The following LMX1B variants were observed in gnomAD, a reference collection of about 807,000 sequenced individuals.
LMX1B encodes the protein LIM homeobox transcription factor 1 beta, also known as LIM homeobox transcription factor 1-beta.
LMX1B carries 12 observed loss-of-function variants against 51.4 expected under a neutral mutation model. That is an observed-to-expected ratio of 0.23 (90% CI 0.15 to 0.38). The LOEUF (loss-of-function observed/expected upper bound fraction) is 0.38. LMX1B is among the 10% of genes least tolerant of loss of function. The probability of loss-of-function intolerance (pLI) is 1.00; values close to 1 mark genes in which losing one functional copy is unlikely to be tolerated. For synonymous variants in LMX1B, 237 were observed against 235.4 expected, an observed-to-expected ratio of 1.01 and a Z score of -0.06; for missense variants, 445 against 571.1, an observed-to-expected ratio of 0.78 and a Z score of 2.25.
intron 2 of LMX1B, among the ~76,000 whole-genome samples, chr9:126,676,562 G>C (rs1332915553): frequency 1.3e-5 from 2 of 152,232 alleles, no homozygotes; most frequent in African/African-American, 4.8e-5. Context: ...CTCACAGCGG[G>C]ACAGTATTCC....
intron 2 of LMX1B, among the ~76,000 whole-genome samples, chr9:126,629,259 C>T (rs34186918): frequency 0.19 from 28,970 of 152,120 alleles, 3,341 homozygotes; most frequent in Non-Finnish European, 0.25. Context: ...AGAAGGAAGC[C>T]CAGCTGCTTG....
chr9:126,622,274 G>A (rs1435763321), intron 2 of LMX1B, among the ~76,000 whole-genome samples: 3 of 152,190 alleles, frequency 2.0e-5, no homozygotes, highest in Non-Finnish European at 4.4e-5. Flanking sequence ...CCGGTTCCTG[G>A]AGCCTGGTTC....
At chr9:126,682,117 G>A (rs1283594214) in intron 2 of LMX1B, among the ~76,000 whole-genome samples, 1 of 68,968 alleles carries the variant, frequency 1.4e-5, no homozygotes, top group African/African-American at 6.5e-5. Flanking sequence ...TTATAGAGAT[G>A]GGCTTTGGCC....
At chr9:126,620,615 G>A (rs1462971889) in intron 2 of LMX1B, among the ~76,000 whole-genome samples, 1 of 152,116 alleles carries the variant, frequency 6.6e-6, no homozygotes, top group Non-Finnish European at 1.5e-5. Flanking sequence ...GCAGACGGGT[G>A]TGCTGTGCTC....
rs1009934430 is a variant in LMX1B, at chr9:126,618,900, G to A, written c.326+3331G>A. On this transcript the variant is annotated intron_variant, in intron 2 of 7. Transcript: ENST00000373474. This position sits in a 1 kb window ranked among gnomAD's most constrained non-coding sequence, Gnocchi z 4.5. ...CGACCCGAGACCCGCTGGGGTGCAAGCGGGCGCCTTTGTGCACGGCGAGAC... is the reference window on the plus strand; with the variant it reads ...CGACCCGAGACCCGCTGGGGTGCAAACGGGCGCCTTTGTGCACGGCGAGAC... 6.6e-6 allele frequency among the ~76,000 whole-genome samples: 1 copy of A among 151,946 alleles called. No homozygotes were observed.
intron 2 of LMX1B, among the ~76,000 whole-genome samples, chr9:126,655,532 T>G: frequency 6.6e-6 from 1 of 152,156 alleles, no homozygotes; most frequent in South Asian, 2.1e-4. Context: ...CTCCACGTGG[T>G]AAGCAGCAAG....
In LMX1B at chr9:126,658,381, C is replaced by T. The variant is rs1325238124; in HGVS notation, c.327-32455C>T. On this transcript the variant is annotated intron_variant, in intron 2 of 7. Transcript: ENST00000373474. This position sits in a 1 kb window ranked among gnomAD's most constrained non-coding sequence, Gnocchi z 4.0. The stretch of plus-strand genomic sequence containing the variant: ...AGCCTCAAATTCGGCTGGCCCTCCC[C>T]CTGGCTGCCGGGCCCGGGCACCCCT... Among the ~76,000 whole-genome samples, 2 of 150,106 alleles carry T rather than the reference C, an allele frequency of 1.3e-5. No individual in the cohort carries two copies. The highest frequency in any genetic ancestry group is 4.0e-4 in the East Asian group (2 of 4,954).
chr9:126,641,490 G>A lies in LMX1B; in HGVS notation c.326+25921G>A, dbSNP rs189391991. On this transcript the variant is annotated intron_variant, in intron 2 of 7. Coordinates refer to ENST00000373474, the MANE Select transcript of LMX1B (RefSeq NM_001174147.2). The surrounding 1 kb of genome is among the most constrained non-coding windows in gnomAD (Gnocchi z 4.1). ...AACCCATGTCTGCATATCTTCATGG[G>A]CCCTGCACTTAGCCATGGTGCCTGA... Among the ~76,000 whole-genome samples the A allele has an allele frequency of 2.5e-4, 38 of 152,268 alleles. No homozygotes were observed. The highest frequency in any genetic ancestry group is 9.1e-4 in the African/African-American group (38 of 41,554).
Position 126,618,836 on chromosome 9 carries a change from A to T in LMX1B, c.326+3267A>T, listed in dbSNP as rs905709509. ...GGAGAGTCCAAAAATCTGTCACAAA[A>T]TGGAGTCTAATCGCTTGTAAGACAG... On this transcript the variant is annotated intron_variant, in intron 2 of 7. Transcript: ENST00000373474. This position sits in a 1 kb window ranked among gnomAD's most constrained non-coding sequence, Gnocchi z 4.5. Among the ~76,000 whole-genome samples the T allele has an allele frequency of 3.3e-5, 5 of 151,954 alleles. No individual in the cohort carries two copies. Among genetic ancestry groups the T allele is most frequent in the Non-Finnish European group, 5.9e-5 (4 of 67,984 alleles).
At chr9:126,630,370 C>T (rs900589455) in intron 2 of LMX1B, among the ~76,000 whole-genome samples, 3 of 152,048 alleles carry the variant, frequency 2.0e-5, no homozygotes, top group South Asian at 2.1e-4. Context: ...CTGCACTGAG[C>T]CTTCTCAGTG....
At chr9:126,668,529 C>A (rs1337249480) in intron 2 of LMX1B, among the ~76,000 whole-genome samples, 1 of 151,970 alleles carries the variant, frequency 6.6e-6, no homozygotes, top group Non-Finnish European at 1.5e-5. Flanking sequence ...TCTCAGCTCA[C>A]TGAAACCTCT....
Position 126,655,988 on chromosome 9 carries a change from C to T in LMX1B, c.327-34848C>T, listed in dbSNP as rs531466302. On this transcript the variant is annotated intron_variant, in intron 2 of 7. Transcript: ENST00000373474. Reference sequence around the variant, plus strand: ...AAAAATAAAAGCAGAGGATCAAATCCCTAGAGTGTACGGGGGAAGTATGTC... The same window carrying T: ...AAAAATAAAAGCAGAGGATCAAATCTCTAGAGTGTACGGGGGAAGTATGTC... 2.6e-5 allele frequency among the ~76,000 whole-genome samples: 4 copies of T among 152,174 alleles called. No individual in the cohort carries two copies. The South Asian group carries it at 8.3e-4, about 32-fold the overall frequency.
At chr9:126,680,694 G>C (rs1447733445) in intron 2 of LMX1B, among the ~76,000 whole-genome samples, 1 of 152,096 alleles carries the variant, frequency 6.6e-6, no homozygotes, top group Non-Finnish European at 1.5e-5. Context: ...GGTAGGTGCC[G>C]GGTAAACGTT....
intron 2 of LMX1B, among the ~76,000 whole-genome samples, chr9:126,627,460 G>A (rs1486177997): frequency 6.6e-6 from 1 of 152,028 alleles, no homozygotes. Context: ...CCAAGGGAAA[G>A]CAGAGAAGGA....
intron 3 of LMX1B, 146 bp downstream of exon 3, chr9:126,691,214 C>T (rs1057078797): frequency 3.3e-5 from 21 of 636,316 alleles, no homozygotes; most frequent in East Asian, 1.4e-4. Flanking sequence ...GATGCACACG[C>T]GCACTGACGT....
chr9:126,692,620 G>A (rs551116555), intron 3 of LMX1B, among the ~76,000 whole-genome samples: 2 of 152,384 alleles, frequency 1.3e-5, no homozygotes, highest in South Asian at 4.1e-4. Flanking sequence ...GGCAGCAGGT[G>A]AGTGTGCATC....
At chr9:126,693,451 C>A in intron 4 of LMX1B, 73 bp from the exon 5 acceptor site, 2 of 1,568,286 alleles carry the variant, frequency 1.3e-6, no homozygotes, top group Non-Finnish European at 8.8e-7. Context: ...CACATCCCAT[C>A]ATACCCCTAA....
chr9:126,682,561 C>T lies in LMX1B; in HGVS notation c.327-8275C>T, dbSNP rs565733279. Among the ~76,000 whole-genome samples the T allele has an allele frequency of 3.9e-5, 6 of 152,302 alleles. No individual in the cohort carries two copies. The South Asian group carries it at 1.2e-3, about 32-fold the overall frequency. The stretch of plus-strand genomic sequence containing the variant: ...GTCTCTCTTCTCACTGCTCTAGCCC[C>T]GCCTCCAGACAGCGCCGGCCCGCAC... On this transcript the variant is annotated intron_variant, in intron 2 of 7. Transcript: ENST00000373474.
At chr9:126,670,170 A>C (rs1836422984) in intron 2 of LMX1B, among the ~76,000 whole-genome samples, 1 of 152,206 alleles carries the variant, frequency 6.6e-6, no homozygotes, top group African/African-American at 2.4e-5. Context: ...CAGTCACCTG[A>C]TGCTGGGTCT....
Sources: allele counts gnomAD v4.1 joint callset (sites outside exome capture counted in the v4.1 genomes callset), GRCh38; gene constraint gnomAD v4.1.1; non-coding constraint Gnocchi (gnomAD v3.1); transcripts MANE v1.5; gene names NCBI Gene and HGNC (gene_info 2026-07-23, HGNC 2026-07-21).